The following NKAIN3 variants were observed in gnomAD, a reference collection of about 807,000 sequenced individuals.
NKAIN3 encodes sodium/potassium transporting ATPase interacting 3, also known as sodium/potassium-transporting ATPase subunit beta-1-interacting protein 3.
A neutral mutation model predicts 30.2 loss-of-function variants in NKAIN3; 25 were observed. That is an observed-to-expected ratio of 0.83 (90% CI 0.60 to 1.16). NKAIN3 has a LOEUF of 1.16. Among genes scored for constraint, NKAIN3 ranks in the 50% most tolerant of loss-of-function variants. The pLI is 0.00. For synonymous variants in NKAIN3, 91 were observed against 89.6 expected (o/e 1.02, Z -0.09); for missense variants, 225 against 254.1 (o/e 0.89, Z 0.78).
chr8:62,267,744 C>G (rs1187874106), intron 1 of NKAIN3, among the ~76,000 whole-genome samples: 1 of 152,076 alleles, frequency 6.6e-6, no homozygotes, highest in Admixed American at 6.6e-5. Flanking sequence ...TCATAGGAAG[C>G]AGAGAATTCA....
chr8:62,296,978 G>A (rs1438406702), intron 1 of NKAIN3, among the ~76,000 whole-genome samples: 3 of 152,020 alleles, frequency 2.0e-5, no homozygotes, highest in Non-Finnish European at 4.4e-5. Context: ...GTTCTTTCCT[G>A]AGCCATGACC....
chr8:62,861,351 C>T, intron 4 of NKAIN3, among the ~76,000 whole-genome samples: 1 of 152,204 alleles, frequency 6.6e-6, no homozygotes. Flanking sequence ...ATCAATGCCT[C>T]AAAAGCTTCC....
intron 1 of NKAIN3, among the ~76,000 whole-genome samples, chr8:62,314,725 T>C (rs1319114221): frequency 6.6e-6 from 1 of 152,190 alleles, no homozygotes; most frequent in Non-Finnish European, 1.5e-5. Context: ...TGAGATGCCC[T>C]TGTGGTGTTT....
intron 1 of NKAIN3, among the ~76,000 whole-genome samples, chr8:62,468,663 G>T (rs1806233132): frequency 6.6e-6 from 1 of 152,126 alleles, no homozygotes; most frequent in Non-Finnish European, 1.5e-5. Context: ...TCCAAATTTA[G>T]TATTTATTTA....
At chr8:62,631,177 A>G (rs1264331002) in intron 3 of NKAIN3, among the ~76,000 whole-genome samples, 2 of 152,142 alleles carry the variant, frequency 1.3e-5, no homozygotes, top group Admixed American at 6.6e-5. Flanking sequence ...TTTTGACCAT[A>G]CTACCATCAA....
chr8:62,513,401 A>G (rs1012402688), intron 1 of NKAIN3, among the ~76,000 whole-genome samples: 3 of 151,944 alleles, frequency 2.0e-5, no homozygotes, highest in African/African-American at 7.2e-5. Flanking sequence ...AATCACAAAA[A>G]CATGGTCATA....
At chr8:62,713,101 C>T (rs538303636) in intron 3 of NKAIN3, among the ~76,000 whole-genome samples, 2 of 152,268 alleles carry the variant, frequency 1.3e-5, no homozygotes, top group East Asian at 3.9e-4. Flanking sequence ...CATGCAGGAG[C>T]AGTCTGCTTC....
chr8:62,725,343 G>A (rs1815220367), intron 3 of NKAIN3, among the ~76,000 whole-genome samples: 1 of 152,088 alleles, frequency 6.6e-6, no homozygotes, highest in Non-Finnish European at 1.5e-5. Context: ...ACTGTTGATT[G>A]TTTCATTTGC....
In NKAIN3 at chr8:62,662,986, T is replaced by G. The variant is rs117551142; in HGVS notation, c.273+73192T>G. On this transcript the variant is annotated intron_variant, in intron 3 of 6. Transcript: ENST00000623646. ...AAGAATTTGCAGAGAATACAGAATT[T>G]TATATGAACCTTTGAAGTAATGCAA... is the stretch of plus-strand genomic sequence containing the variant. Among the ~76,000 whole-genome samples, 277 of 152,310 alleles carry G rather than the reference T, an allele frequency of 1.8e-3. 12 individuals carry two copies. In the East Asian group the frequency reaches 0.05, roughly 27 times the overall value.
intron 4 of NKAIN3, among the ~76,000 whole-genome samples, chr8:62,814,728 A>G (rs978144165): frequency 6.6e-6 from 1 of 152,128 alleles, no homozygotes; most frequent in African/African-American, 2.4e-5. Flanking sequence ...ACACATTCAA[A>G]GCAGTGTGTA....
intron 1 of NKAIN3, among the ~76,000 whole-genome samples, chr8:62,334,619 A>G (rs1815473374): frequency 6.6e-6 from 1 of 152,154 alleles, no homozygotes; most frequent in Non-Finnish European, 1.5e-5. Context: ...ACCAGTATGA[A>G]ACATGTGTTT....
chr8:62,378,776 G>A (rs1285209675), intron 1 of NKAIN3, among the ~76,000 whole-genome samples: 2 of 152,200 alleles, frequency 1.3e-5, no homozygotes, highest in South Asian at 4.1e-4. Context: ...GTCTGCTGCA[G>A]GGATGGAGCC....
intron 3 of NKAIN3, among the ~76,000 whole-genome samples, chr8:62,663,663 T>G (rs1161358598): frequency 6.6e-6 from 1 of 152,212 alleles, no homozygotes; most frequent in African/African-American, 2.4e-5. Flanking sequence ...GAACTCACAC[T>G]CCCACATCTT....
intron 3 of NKAIN3, among the ~76,000 whole-genome samples, chr8:62,614,496 A>G (rs1274365707): frequency 6.6e-6 from 1 of 151,446 alleles, no homozygotes; most frequent in Non-Finnish European, 1.5e-5. Flanking sequence ...TGCTGTAACC[A>G]CTCCCTGGCT....
In NKAIN3 at chr8:62,874,645, T is replaced by C. The variant is rs1820740649; in HGVS notation, c.472-43808T>C. On this transcript the variant is annotated intron_variant, in intron 4 of 6. Coordinates refer to ENST00000623646, the MANE Select transcript of NKAIN3 (RefSeq NM_001304533.3). ...CATCAAGTTGGCTTCATCCCTGGGA[T>C]GCAAGGCTGGTTCAACATATGCAAA... Among the ~76,000 whole-genome samples the C allele has an allele frequency of 1.3e-5, 2 of 152,214 alleles. 1 individual carries two copies. Among genetic ancestry groups the C allele is most frequent in the Non-Finnish European group, 2.9e-5 (2 of 68,030 alleles).
chr8:62,863,543 T>C, intron 4 of NKAIN3: 1 of 1,319,420 alleles, frequency 7.6e-7, no homozygotes, highest in Non-Finnish European at 1.1e-6. Flanking sequence ...GTTGAGGAGA[T>C]GGTGGCCAAG....
chr8:62,442,673 T>G (rs1287348049), intron 1 of NKAIN3, among the ~76,000 whole-genome samples: 1 of 151,882 alleles, frequency 6.6e-6, no homozygotes, highest in African/African-American at 2.4e-5. Flanking sequence ...AATATCTAAC[T>G]TGTTTTCACT....
chr8:62,782,907 A>T (rs1204735494), intron 4 of NKAIN3, among the ~76,000 whole-genome samples: 1 of 151,776 alleles, frequency 6.6e-6, no homozygotes, highest in African/African-American at 2.4e-5. Flanking sequence ...ACATAGTAAC[A>T]ATATTGTGTG....
chr8:62,504,768 T>A (rs1224413918), intron 1 of NKAIN3, among the ~76,000 whole-genome samples: 2 of 152,184 alleles, frequency 1.3e-5, no homozygotes, highest in African/African-American at 4.8e-5. Context: ...ATAATTCCTT[T>A]AGCTGTCAAT....
Sources: gnomAD v4.1 joint callset for allele counts (sites outside exome capture counted in the v4.1 genomes callset) on GRCh38, gnomAD v4.1.1 for gene constraint, MANE v1.5 for transcripts, NCBI Gene and HGNC (gene_info 2026-07-23, HGNC 2026-07-21) for gene names.